ZNF212: variants seen among roughly 807,000 people sequenced by gnomAD.
The protein encoded by ZNF212 is Zinc finger protein C2H2-150.
In ZNF212, 32 loss-of-function variants were observed where a neutral mutation model predicts 47.3. The ratio of observed to expected loss-of-function variants is 0.68; its 90% CI spans 0.51 to 0.91. ZNF212 has a LOEUF of 0.91. ZNF212 is among the 40% of genes least tolerant of loss of function. The probability of loss-of-function intolerance (pLI) is 0.00; values close to 1 mark genes in which losing one functional copy is unlikely to be tolerated. For missense variants in ZNF212, 555 were observed against 622.8 expected, an observed-to-expected ratio of 0.89 and a Z score of 1.16; for synonymous variants, 242 against 253.8, an observed-to-expected ratio of 0.95 and a Z score of 0.44.
rs766270350 is a variant in ZNF212 at position 149,239,800 on chromosome 7, C to T, written c.22C>T (p.Arg8Trp). The change falls in exon 1 of 5, where the codon CGG becomes TGG. Residue 8 changes from arginine (R) to tryptophan (W), a missense_variant and splice_region_variant. Physicochemically the swap from Arg to Trp is moderately radical, Grantham distance 101 (BLOSUM62 -3). Coordinates refer to ENST00000335870, the MANE Select transcript of ZNF212 (RefSeq NM_012256.4). The part of the protein sequence containing the change: MAESAPA[R>W]HRRKRRSTPL... ...AGCCATGGCGGAGTCGGCGCCTGCTCGGGTAAAGAGGCACCGGCGCGCTGG... is the reference window on the plus strand; with the variant it reads ...AGCCATGGCGGAGTCGGCGCCTGCTTGGGTAAAGAGGCACCGGCGCGCTGG... The T allele has an allele frequency of 1.6e-6, 2 of 1,273,948 alleles. No individual in the cohort carries two copies. The highest frequency in any genetic ancestry group is 3.8e-5 in the Admixed American group (1 of 26,410). 78.9% of individuals were successfully genotyped at this position (1,273,948 alleles called of 1,614,324 possible).
At chr7:149,248,885 A>G (rs771117304) in intron 1 of ZNF212, among the ~76,000 whole-genome samples, 1 of 152,224 alleles carries the variant, frequency 6.6e-6, no homozygotes, top group Non-Finnish European at 1.5e-5. Context: ...TTAAATGTTC[A>G]GTTCTGCACC....
intron 1 of ZNF212, among the ~76,000 whole-genome samples, chr7:149,241,939 G>C (rs781748045): frequency 1.3e-4 from 19 of 151,966 alleles, no homozygotes; most frequent in African/African-American, 2.2e-4. Context: ...TTAAACCTTG[G>C]CACTGAGATT....
rs541397921 is a variant in ZNF212 at position 149,245,242 on chromosome 7, T to C, written c.25-4917T>C. Among the ~76,000 whole-genome samples, 29 of 151,778 alleles carry C rather than the reference T, an allele frequency of 1.9e-4. No homozygotes were observed. In the South Asian group the frequency reaches 6.1e-3, roughly 32 times the overall value. Reference sequence around the variant, plus strand: ...GGCACACACCTGTAATCCCAGCTACTTGGGAGGCTGAGGCAGGAGAATCAC... The same window carrying C: ...GGCACACACCTGTAATCCCAGCTACCTGGGAGGCTGAGGCAGGAGAATCAC... On this transcript the variant is annotated intron_variant, in intron 1 of 4. Transcript: ENST00000335870.
intron 1 of ZNF212, among the ~76,000 whole-genome samples, chr7:149,240,385 C>CCT (rs1464417055): frequency 6.7e-6 from 1 of 149,484 alleles, no homozygotes; most frequent in African/African-American, 2.5e-5. Flanking sequence ...CTCCTTCACC[C>CCT]CCCCCCCAAC....
At chr7:149,253,292 A>G (rs1037316430) in intron 4 of ZNF212, among the ~76,000 whole-genome samples, 3 of 152,222 alleles carry the variant, frequency 2.0e-5, no homozygotes, top group African/African-American at 7.2e-5. Context: ...GATTAAATAT[A>G]AATTTGTAGA....
rs3834340 is a variant in ZNF212, at chr7:149,249,264, TCAC to T, written c.25-892_25-890del. Among the ~76,000 whole-genome samples the T allele has an allele frequency of 4.4e-3, 668 of 152,354 alleles. 11 individuals are homozygous for T. The East Asian group carries it at 0.063, about 14-fold the overall frequency. ...CAGTAAATATTTTTTAAGGATTTAT[TCAC>T]CATCCCAGCTGCTAGAGTGCAAAGA... On this transcript the variant is annotated intron_variant, in intron 1 of 4. Transcript: ENST00000335870.
intron 4 of ZNF212, among the ~76,000 whole-genome samples, chr7:149,253,209 T>A (rs925344941): frequency 1.3e-5 from 2 of 151,990 alleles, no homozygotes; most frequent in Admixed American, 6.6e-5. Flanking sequence ...TTGTCTTTAA[T>A]CATTCAAATT....
chr7:149,254,900 A>G lies in ZNF212; in HGVS notation c.*485A>G, dbSNP rs555580898. ...AATGAACTGCTTAGCCCTGCTCTGA[A>G]GAACCTTTTTTGGAATTAGATTTTA... On this transcript the variant is annotated 3_prime_UTR_variant, in exon 5 of 5. Coordinates refer to ENST00000335870, the MANE Select transcript of ZNF212 (RefSeq NM_012256.4). The surrounding 1 kb of genome is among the most constrained non-coding windows in gnomAD (Gnocchi z 4.5). The G allele has an allele frequency of 6.5e-6, 1 of 154,534 alleles. No individual in the cohort carries two copies. Among genetic ancestry groups the G allele is most frequent in the African/African-American group, 2.4e-5 (1 of 41,662 alleles). The allele number at this position is 154,534 out of a possible 1,614,324, so 9.6% of individuals were successfully genotyped here.
chr7:149,244,530 G>A (rs1796649072), intron 1 of ZNF212, among the ~76,000 whole-genome samples: 1 of 151,760 alleles, frequency 6.6e-6, no homozygotes, highest in Non-Finnish European at 1.5e-5. Flanking sequence ...AGCCAGGATG[G>A]TCGCGATCTC....
intron 1 of ZNF212, among the ~76,000 whole-genome samples, chr7:149,245,289 C>CA (rs1333786244): frequency 6.8e-6 from 1 of 146,310 alleles, no homozygotes; most frequent in East Asian, 2.0e-4. Flanking sequence ...ACAGAGGTTG[C>CA]AGTAAGCTGA....
At chr7:149,249,929 C>G (rs1205619807) in intron 1 of ZNF212, among the ~76,000 whole-genome samples, 1 of 152,186 alleles carries the variant, frequency 6.6e-6, no homozygotes, top group African/African-American at 2.4e-5. Context: ...ACGGCCAGCC[C>G]TAACAGCTTA....
intron 1 of ZNF212, among the ~76,000 whole-genome samples, chr7:149,249,374 CATG>C (rs1231009869): frequency 6.6e-6 from 1 of 152,062 alleles, no homozygotes; most frequent in African/African-American, 2.4e-5. Flanking sequence ...AAACGGGTGA[CATG>C]ATCAACTATG....
chr7:149,250,609 G>A, intron 2 of ZNF212, 61 bp downstream of exon 2: 1 of 1,608,314 alleles, frequency 6.2e-7, no homozygotes, highest in Non-Finnish European at 8.5e-7. Context: ...TAATATGTAA[G>A]CACCTCAGTT....
chr7:149,244,878 A>C (rs1355041368), intron 1 of ZNF212, among the ~76,000 whole-genome samples: 1 of 152,162 alleles, frequency 6.6e-6, no homozygotes, highest in African/African-American at 2.4e-5. Context: ...CCCACTTGAC[A>C]GAGAGTGGAG....
chr7:149,254,406 C>G lies in ZNF212; in HGVS notation c.1479C>G (p.Gly493=). The change falls in exon 5 of 5, where the codon GGC becomes GGG. Residue 493 remains glycine, a synonymous_variant. Transcript: ENST00000335870. The surrounding 1 kb of genome is among the most constrained non-coding windows in gnomAD (Gnocchi z 4.5). ...CCCTGGAGCCCGGAAGGCCCAATGGCCTGCTTTAAGGGTGCAGCCCCTCGC... is the reference window on the plus strand; with the variant it reads ...CCCTGGAGCCCGGAAGGCCCAATGGGCTGCTTTAAGGGTGCAGCCCCTCGC... ...GLALEPGRPN[G]LL 2 of 1,599,792 alleles carry G rather than the reference C, an allele frequency of 1.3e-6. No individual in the cohort carries two copies. Among genetic ancestry groups the G allele is most frequent in the South Asian group, 2.2e-5 (2 of 90,568 alleles).
chr7:149,243,608 T>A (rs1038799336), intron 1 of ZNF212, among the ~76,000 whole-genome samples: 2 of 152,136 alleles, frequency 1.3e-5, no homozygotes, highest in African/African-American at 4.8e-5. Context: ...TCCTACTACT[T>A]TTGTAATGGT....
intron 1 of ZNF212, among the ~76,000 whole-genome samples, chr7:149,244,849 C>G (rs1345166084): frequency 1.3e-5 from 2 of 152,268 alleles, no homozygotes; most frequent in East Asian, 1.9e-4. Flanking sequence ...ATTCTAGCAC[C>G]TGGCTGCCTG....
rs368477620 is a variant in ZNF212 at position 149,254,392 on chromosome 7, G to A, written c.1465G>A (p.Gly489Arg). ...RERGGLALEP[G>R]RPNGLL Reference sequence around the variant, plus strand: ...GCGGGGTGGGCTGGCCCTGGAGCCCGGAAGGCCCAATGGCCTGCTTTAAGG... The same window carrying A: ...GCGGGGTGGGCTGGCCCTGGAGCCCAGAAGGCCCAATGGCCTGCTTTAAGG... Residue 489 changes from glycine to arginine, a missense_variant, in exon 5 of 5, where the codon GGA (glycine) becomes AGA (arginine). Transcript: ENST00000335870. The surrounding 1 kb of genome is among the most constrained non-coding windows in gnomAD (Gnocchi z 4.5). 71 of 1,603,146 alleles carry A rather than the reference G, an allele frequency of 4.4e-5. 1 individual carries two copies. The highest frequency in any genetic ancestry group is 4.4e-5 in the South Asian group (4 of 90,858).
At chr7:149,253,533 TTTG>T in intron 4 of ZNF212, 23 bp from the exon 5 acceptor site, 2 of 1,578,620 alleles carry the variant, frequency 1.3e-6, no homozygotes, top group Non-Finnish European at 8.6e-7. Context: ...TGTGATCTTT[TTTG>T]TTGGTCTTCT....
Sources: allele counts gnomAD v4.1 joint callset (sites outside exome capture counted in the v4.1 genomes callset), GRCh38; gene constraint gnomAD v4.1.1; non-coding constraint Gnocchi (gnomAD v3.1); transcripts MANE v1.5; gene names NCBI Gene and HGNC (gene_info 2026-07-23, HGNC 2026-07-21).